DSCAM: variants seen among roughly 807,000 people sequenced by gnomAD.
The protein encoded by DSCAM is cell adhesion molecule DSCAM.
DSCAM carries 47 observed loss-of-function variants against 217.7 expected under a neutral mutation model. That is an observed-to-expected ratio of 0.22 (90% CI 0.17 to 0.28). The LOEUF is 0.28. Among genes scored for constraint, DSCAM ranks in the 10% least tolerant of loss-of-function variants. The probability of loss-of-function intolerance (pLI) is 1.00; values close to 1 mark genes in which losing one functional copy is unlikely to be tolerated. For synonymous variants in DSCAM, 1,056 were observed against 1,015.3 expected (o/e 1.04, Z -0.76); for missense variants, 2,080 against 2,618.3 (o/e 0.79, Z 4.49).
At chr21:40,521,272 C>A (rs1281825559) in intron 3 of DSCAM, among the ~76,000 whole-genome samples, 1 of 152,170 alleles carries the variant, frequency 6.6e-6, no homozygotes, top group Admixed American at 6.5e-5. Context: ...GATGTACACT[C>A]AGGAGTGAAA....
intron 3 of DSCAM, among the ~76,000 whole-genome samples, chr21:40,665,979 T>C (rs534899801): frequency 6.6e-6 from 1 of 151,874 alleles, no homozygotes; most frequent in African/African-American, 2.4e-5. Context: ...CTCAGGCTTT[T>C]CCCCAACTTC....
intron 3 of DSCAM, among the ~76,000 whole-genome samples, chr21:40,547,901 A>G (rs1292278701): frequency 6.6e-6 from 1 of 152,218 alleles, no homozygotes; most frequent in East Asian, 1.9e-4. Context: ...TTTCCTCTAC[A>G]GACAGACACT....
At chr21:40,538,720 T>C (rs11908987) in intron 3 of DSCAM, among the ~76,000 whole-genome samples, 29,359 of 151,976 alleles carry the variant, frequency 0.19, 5,172 homozygotes, top group African/African-American at 0.46. Context: ...ATCAAGGCCG[T>C]GGTGTTCAAA....
At chr21:40,772,873 C>T (rs1377069564) in intron 1 of DSCAM, among the ~76,000 whole-genome samples, 4 of 152,198 alleles carry the variant, frequency 2.6e-5, no homozygotes, top group East Asian at 1.9e-4. Context: ...TTGCCATAAT[C>T]GCCGCGGTGG....
rs2145897359 is a variant in DSCAM, at chr21:40,432,069, G to T, written c.509-62824C>A. The stretch of plus-strand genomic sequence containing the variant: ...TACAAAAAAATTCGCTAGGCATGGT[G>T]GTGGGTGCCTGTAATTTCAGCTACT... On this transcript the variant is annotated intron_variant, in intron 3 of 32. Coordinates refer to ENST00000400454, the MANE Select transcript of DSCAM (RefSeq NM_001389.5). Among the ~76,000 whole-genome samples the T allele has an allele frequency of 1.3e-5, 2 of 152,158 alleles. 1 individual carries two copies. The highest frequency in any genetic ancestry group is 4.1e-4 in the South Asian group (2 of 4,824).
intron 11 of DSCAM, among the ~76,000 whole-genome samples, chr21:40,221,875 C>G (rs2091291975): frequency 6.6e-6 from 1 of 152,142 alleles, no homozygotes; most frequent in Admixed American, 6.5e-5. Context: ...TTTTAACATT[C>G]TGTGTGACAG....
At chr21:40,202,946 G>C (rs998815182) in intron 11 of DSCAM, among the ~76,000 whole-genome samples, 2 of 152,134 alleles carry the variant, frequency 1.3e-5, no homozygotes, top group Non-Finnish European at 2.9e-5. Context: ...AAAACATCTG[G>C]TGTAATAATG....
intron 3 of DSCAM, among the ~76,000 whole-genome samples, chr21:40,502,682 T>C (rs112434011): frequency 1.3e-5 from 2 of 152,280 alleles, no homozygotes; most frequent in East Asian, 3.9e-4. Flanking sequence ...TAAGGACTCT[T>C]GTCATGACAT....
chr21:40,834,594 G>T (rs965024919), intron 1 of DSCAM, among the ~76,000 whole-genome samples: 1 of 151,836 alleles, frequency 6.6e-6, no homozygotes, highest in African/African-American at 2.4e-5. Flanking sequence ...CTCCATCAAA[G>T]ACCTTTAGGG....
intron 10 of DSCAM, among the ~76,000 whole-genome samples, chr21:40,277,395 C>T (rs2073701219): frequency 1.3e-5 from 2 of 152,112 alleles, no homozygotes; most frequent in Non-Finnish European, 2.9e-5. Context: ...CTAATGACAA[C>T]TTGTGTATTG....
intron 1 of DSCAM, among the ~76,000 whole-genome samples, chr21:40,797,859 A>G (rs2091705548): frequency 6.6e-6 from 1 of 152,060 alleles, no homozygotes; most frequent in Non-Finnish European, 1.5e-5. Context: ...TTTCTAATTT[A>G]TCAGTTTATG....
chr21:40,403,450 A>G (rs1350488688), intron 3 of DSCAM, among the ~76,000 whole-genome samples: 2 of 152,048 alleles, frequency 1.3e-5, no homozygotes, highest in Admixed American at 6.5e-5. Flanking sequence ...GAGTAAATCT[A>G]TTTTACAAAG....
intron 3 of DSCAM, among the ~76,000 whole-genome samples, chr21:40,469,004 G>C (rs1377689714): frequency 2.0e-5 from 3 of 152,004 alleles, no homozygotes; most frequent in Admixed American, 1.3e-4. Flanking sequence ...GCCACTCAGT[G>C]CCCAGCACAC....
At chr21:40,170,377 G>A (rs553768257) in intron 15 of DSCAM, among the ~76,000 whole-genome samples, 93 of 152,314 alleles carry the variant, frequency 6.1e-4, no homozygotes, top group African/African-American at 2.2e-3. Context: ...AATGGGTAAA[G>A]CAATTTGTAG....
chr21:40,688,424 A>G (rs2090506096), intron 3 of DSCAM, among the ~76,000 whole-genome samples: 1 of 152,048 alleles, frequency 6.6e-6, no homozygotes, highest in South Asian at 2.1e-4. Flanking sequence ...GTATCTCCAC[A>G]TCAGCAGTAC....
At chr21:40,254,796 C>T (rs772328299) in intron 11 of DSCAM, among the ~76,000 whole-genome samples, 1 of 152,116 alleles carries the variant, frequency 6.6e-6, no homozygotes, top group Non-Finnish European at 1.5e-5. Flanking sequence ...ACACAGATCC[C>T]TGCCAGAAGC....
intron 8 of DSCAM, among the ~76,000 whole-genome samples, chr21:40,330,933 T>C (rs989437360): frequency 6.6e-6 from 1 of 152,212 alleles, no homozygotes; most frequent in Admixed American, 6.5e-5. Context: ...TTATTCATAA[T>C]AGAAGCTCTG....
At chr21:40,072,743 T>C (rs2089314658) in intron 27 of DSCAM, among the ~76,000 whole-genome samples, 2 of 152,114 alleles carry the variant, frequency 1.3e-5, no homozygotes, top group South Asian at 4.2e-4. Context: ...GCTACTTTTC[T>C]GAAATCCTTT....
intron 3 of DSCAM, among the ~76,000 whole-genome samples, chr21:40,435,775 T>A (rs2075577442): frequency 6.6e-6 from 1 of 152,252 alleles, no homozygotes; most frequent in Non-Finnish European, 1.5e-5. Flanking sequence ...AGACAGTTCC[T>A]GTCCGATGGT....
Sources: allele counts gnomAD v4.1 joint callset (sites outside exome capture counted in the v4.1 genomes callset), GRCh38; gene constraint gnomAD v4.1.1; transcripts MANE v1.5; gene names NCBI Gene and HGNC (gene_info 2026-07-23, HGNC 2026-07-21).